Variants in EEF1E1 observed in about 807,000 individuals in gnomAD.
EEF1E1 encodes the protein eukaryotic translation elongation factor 1 epsilon 1.
In EEF1E1, 19 loss-of-function variants were observed where a neutral mutation model predicts 19.9. The ratio of observed to expected loss-of-function variants is 0.95; its 90% CI spans 0.66 to 1.40. EEF1E1 has a LOEUF of 1.40. EEF1E1 is among the 40% of genes most tolerant of loss of function. The pLI, the probability that EEF1E1 is intolerant of heterozygous loss-of-function variation, is 0.00. For missense variants in EEF1E1, 198 were observed against 202.2 expected, an observed-to-expected ratio of 0.98 and a Z score of 0.13; for synonymous variants, 81 against 80.0, an observed-to-expected ratio of 1.01 and a Z score of -0.07.
intron 2 of EEF1E1, among the ~76,000 whole-genome samples, chr6:8,096,471 A>C (rs1453491886): frequency 6.6e-6 from 1 of 152,234 alleles, no homozygotes; most frequent in Non-Finnish European, 1.5e-5. Flanking sequence ...GGCATCTATC[A>C]AGAACACAGT....
At chr6:8,099,046 T>TAAAGTCCTATTGGCTTAAAC (rs755341983) in intron 1 of EEF1E1, among the ~76,000 whole-genome samples, 9,178 of 152,250 alleles carry the variant, frequency 0.06, 375 homozygotes, top group Non-Finnish European at 0.088. Context: ...AGGGTTTGAA[T>TAAAGTCCTATTGGCTTAAAC]AAAGTCCTAT....
downstream of EEF1E1, among the ~76,000 whole-genome samples, chr6:8,078,102 T>C (rs1012818847): frequency 2.0e-5 from 3 of 152,204 alleles, no homozygotes; most frequent in Non-Finnish European, 2.9e-5. Context: ...CTTAAAACTT[T>C]TCCTTTGCAT....
In EEF1E1 at chr6:8,099,793, A is replaced by C. The variant is rs199787446; in HGVS notation, c.88-2326T>G. On this transcript the variant is annotated intron_variant, in intron 1 of 3. Coordinates refer to ENST00000379715, the MANE Select transcript of EEF1E1 (RefSeq NM_004280.5). ...ACACACACACACACACACACACACAAAAAAAAAACAGAACCCTCTATAATG... is the reference window on the plus strand; with the variant it reads ...ACACACACACACACACACACACACACAAAAAAAACAGAACCCTCTATAATG... Among the ~76,000 whole-genome samples the C allele has an allele frequency of 3.6e-3, 424 of 116,980 alleles. 4 individuals are homozygous for C. The highest frequency in any genetic ancestry group is 0.016 in the Admixed American group (205 of 12,594). 76.7% of individuals were successfully genotyped at this position (116,980 alleles called of 152,430 possible). A position where few individuals can be genotyped will look rare whatever the true frequency, so the allele number is the denominator to read the frequency against.
rs553484167 is a variant in EEF1E1 at position 8,091,245 on chromosome 6, A to G, written c.289-964T>C. On this transcript the variant is annotated intron_variant, in intron 2 of 3. Transcript: ENST00000379715. ...TAGCCATCCTAATGGGTGTGAGATG[A>G]TATCTCACTGTAAACATGATCTACA... Among the ~76,000 whole-genome samples the G allele has an allele frequency of 2.6e-5, 4 of 152,214 alleles. No individual in the cohort carries two copies. The South Asian group carries it at 8.3e-4, about 32-fold the overall frequency.
chr6:8,076,668 T>C (rs1757599119), downstream of EEF1E1, among the ~76,000 whole-genome samples: 1 of 152,196 alleles, frequency 6.6e-6, no homozygotes, highest in East Asian at 1.9e-4. Flanking sequence ...GTTGAAATTA[T>C]TCCTTAATCC....
At chr6:8,102,402 C>T in intron 1 of EEF1E1, 33 bp downstream of exon 1, 1 of 1,598,762 alleles carries the variant, frequency 6.3e-7, no homozygotes, top group African/African-American at 1.3e-5. Context: ...CTCCCGTCCA[C>T]CTCTTCCCCT....
At chr6:8,076,614 C>T (rs1338175207), downstream of EEF1E1, among the ~76,000 whole-genome samples, 13 of 152,176 alleles carry the variant, frequency 8.5e-5, no homozygotes, top group African/African-American at 2.7e-4. Flanking sequence ...TGAGCCACCA[C>T]GCCCGGCCTA....
intron 3 of EEF1E1, among the ~76,000 whole-genome samples, chr6:8,084,504 T>C (rs1757796997): frequency 6.6e-6 from 1 of 152,248 alleles, no homozygotes; most frequent in Non-Finnish European, 1.5e-5. Context: ...GTTTATGAGT[T>C]ACACTTCAGT....
chr6:8,096,892 C>CT (rs1758189773), intron 2 of EEF1E1, among the ~76,000 whole-genome samples: 1 of 151,992 alleles, frequency 6.6e-6, no homozygotes, highest in South Asian at 2.1e-4. Flanking sequence ...TGAGAAAGTA[C>CT]TTTACCCCTT....
chr6:8,078,837 A>C (rs943836485), downstream of EEF1E1: 3 of 1,134,508 alleles, frequency 2.6e-6, no homozygotes, highest in African/African-American at 5.0e-5. Flanking sequence ...ATTTAGCATT[A>C]TCTTTTTATT....
intron 3 of EEF1E1, among the ~76,000 whole-genome samples, chr6:8,086,581 A>G (rs1246771689): frequency 6.6e-6 from 1 of 152,170 alleles, no homozygotes; most frequent in Non-Finnish European, 1.5e-5. Flanking sequence ...TTCCCCACAC[A>G]TTAAGACACT....
chr6:8,092,869 C>T (rs2027125), intron 2 of EEF1E1, among the ~76,000 whole-genome samples: 37,040 of 95,890 alleles, frequency 0.39, 6,419 homozygotes, highest in Middle Eastern at 0.43. Context: ...ATAAAGACTG[C>T]TTTTTTTTTT....
In EEF1E1 at chr6:8,097,326, A is replaced by T. The variant is rs1004367043; in HGVS notation, c.229T>A (p.Tyr77Asn). ...TGCCCATCTACTTGAGTGACCCTGT[A>T]TTCTAACCACTGCTGAACGATTGCT... ...EKAIVQQWLE[Y>N]RVTQVDGHSS... Residue 77 changes from tyrosine to asparagine, a missense_variant, in exon 2 of 4, where the codon TAC (tyrosine) becomes AAC (asparagine). Transcript: ENST00000379715. The T allele has an allele frequency of 6.2e-7, 1 of 1,614,198 alleles. No homozygotes were observed. Among genetic ancestry groups the T allele is most frequent in the African/African-American group, 1.3e-5 (1 of 75,046 alleles).
At chr6:8,102,039 G>A (rs766117707) in intron 1 of EEF1E1, 287 of 1,181,476 alleles carry the variant, frequency 2.4e-4, no homozygotes, top group Non-Finnish European at 3.0e-4. Flanking sequence ...CACCCTGTTA[G>A]CTATAACGGA....
intron 1 of EEF1E1, among the ~76,000 whole-genome samples, chr6:8,099,678 C>T (rs1163469058): frequency 6.7e-6 from 1 of 149,980 alleles, no homozygotes. Flanking sequence ...ATCCGGGAGG[C>T]AGAGGTTGCA....
Position 8,098,344 on chromosome 6 carries a change from T to C in EEF1E1, c.88-877A>G, listed in dbSNP as rs1257108083. Among the ~76,000 whole-genome samples the C allele has an allele frequency of 2.0e-5, 3 of 152,038 alleles. No homozygotes were observed. The East Asian group carries it at 5.8e-4, about 30-fold the overall frequency. ...TATGTTGGTCAGGCTGGTCTGGAAC[T>C]CTTGACCTCGTGATCCACCCACCTC... On this transcript the variant is annotated intron_variant, in intron 1 of 3. Coordinates refer to ENST00000379715, the MANE Select transcript of EEF1E1 (RefSeq NM_004280.5).
intron 1 of EEF1E1, among the ~76,000 whole-genome samples, chr6:8,098,953 A>G (rs2113667351): frequency 6.6e-6 from 1 of 152,360 alleles, no homozygotes; most frequent in South Asian, 2.1e-4. Context: ...TAATCATTAC[A>G]TCTTCTAAGA....
intron 1 of EEF1E1, among the ~76,000 whole-genome samples, chr6:8,098,250 T>C (rs990200329): frequency 1.3e-5 from 2 of 151,836 alleles, no homozygotes; most frequent in Non-Finnish European, 2.9e-5. Flanking sequence ...CTCCCAAGTA[T>C]CTGGGACTAC....
intron 3 of EEF1E1, among the ~76,000 whole-genome samples, chr6:8,082,424 C>T (rs1192419756): frequency 1.3e-5 from 2 of 152,110 alleles, no homozygotes; most frequent in Admixed American, 6.5e-5. Flanking sequence ...ACTACAGTCA[C>T]ATACCACCAC....
Sources: gnomAD v4.1 joint callset for allele counts (sites outside exome capture counted in the v4.1 genomes callset) on GRCh38, gnomAD v4.1.1 for gene constraint, MANE v1.5 for transcripts, NCBI Gene and HGNC (gene_info 2026-07-23, HGNC 2026-07-21) for gene names.